Variants in LRP1B observed in about 807,000 individuals in gnomAD.
LRP1B encodes the protein low-density lipoprotein receptor-related protein 1B.
In LRP1B, 217 loss-of-function variants were observed where a neutral mutation model predicts 556.6. That is an observed-to-expected ratio of 0.39 (90% CI 0.35 to 0.44). The LOEUF is 0.44. Ranked by LOEUF, LRP1B falls within the 20% of genes least tolerant of loss-of-function variation. LRP1B has a pLI of 1.00. For synonymous variants in LRP1B, 2,047 were observed against 1,865.8 expected, an observed-to-expected ratio of 1.10 and a Z score of -2.50; for missense variants, 5,053 against 5,620.8, an observed-to-expected ratio of 0.90 and a Z score of 3.23.
At chr2:140,330,179 G>A (rs918612880) in intron 79 of LRP1B, among the ~76,000 whole-genome samples, 27 of 145,176 alleles carry the variant, frequency 1.9e-4, no homozygotes, top group South Asian at 4.4e-4. Context: ...CAGCCTGGGC[G>A]ACAGAGCAAG....
At chr2:141,233,313 T>C (rs1165183396) in intron 5 of LRP1B, among the ~76,000 whole-genome samples, 1 of 152,174 alleles carries the variant, frequency 6.6e-6, no homozygotes, top group African/African-American at 2.4e-5. Context: ...GGCTGTCAAC[T>C]GATTCATGAT....
intron 2 of LRP1B, among the ~76,000 whole-genome samples, chr2:141,583,808 C>T (rs1019313825): frequency 1.3e-5 from 2 of 151,766 alleles, no homozygotes; most frequent in African/African-American, 2.4e-5. Flanking sequence ...GGCACTATCT[C>T]GGCTCACTGC....
chr2:141,699,090 G>A (rs12622943), intron 2 of LRP1B, among the ~76,000 whole-genome samples: 84,879 of 151,586 alleles, frequency 0.56, 24,256 homozygotes, highest in East Asian at 0.79. Context: ...ATTGGGAAGA[G>A]GTTTCTCTGT....
rs141668594 is a variant in LRP1B, at chr2:140,326,239, AATTC to A, written c.12224-365_12224-362del. Among the ~76,000 whole-genome samples the A allele has an allele frequency of 8.1e-3, 1,230 of 152,268 alleles. 18 individuals are homozygous for A. The highest frequency in any genetic ancestry group is 0.027 in the African/African-American group (1,123 of 41,564). On this transcript the variant is annotated intron_variant, in intron 79 of 90. Coordinates refer to ENST00000389484, the MANE Select transcript of LRP1B (RefSeq NM_018557.3). ...TCATCTTCATATTATATGGAGAATG[AATTC>A]ATTATTTAAATCATTTATCGGACCA...
At chr2:141,178,333 T>C (rs1368193070) in intron 7 of LRP1B, among the ~76,000 whole-genome samples, 2 of 152,122 alleles carry the variant, frequency 1.3e-5, no homozygotes, top group Non-Finnish European at 2.9e-5. Flanking sequence ...GCCAGAGCAG[T>C]AGGTCTTCAC....
chr2:140,247,080 A>G lies in LRP1B; in HGVS notation c.13324+6T>C. ...ATTACCCAAAATATTAATCTGAGAA[A>G]CTTACTTGTGCTGATATGATCAGAC... On this transcript the variant is annotated splice_donor_region_variant and intron_variant, in intron 87 of 90. Coordinates refer to ENST00000389484, the MANE Select transcript of LRP1B (RefSeq NM_018557.3). 6.2e-7 allele frequency: 1 copy of G among 1,604,942 alleles called. No homozygotes were observed. The highest frequency in any genetic ancestry group is 8.5e-7 in the Non-Finnish European group (1 of 1,173,002).
In LRP1B at chr2:140,923,134, A is replaced by T; in HGVS notation, c.3150T>A (p.Pro1050=). 3 of 1,611,996 alleles carry T rather than the reference A, an allele frequency of 1.9e-6. No homozygotes were observed. Among genetic ancestry groups the T allele is most frequent in the Non-Finnish European group, 2.5e-6 (3 of 1,178,780 alleles). The change falls in exon 21 of 91, where the codon CCT becomes CCA. Residue 1050 remains proline, a synonymous_variant. Transcript: ENST00000389484. Reference sequence around the variant, plus strand: ...GAAATTCATTTCCGTTACAACCAGCAGGAGAATGAATCTCTTAATTTGAAA... The same window carrying T: ...GAAATTCATTTCCGTTACAACCAGCTGGAGAATGAATCTCTTAATTTGAAA... ...INCTKEEIHS[P]AGCNGNEFQC...
chr2:140,628,870 G>T (rs1015734607), intron 41 of LRP1B, among the ~76,000 whole-genome samples: 1 of 151,926 alleles, frequency 6.6e-6, no homozygotes, highest in Admixed American at 6.6e-5. Context: ...AAAGTGTGTA[G>T]CACCTCCCTC....
intron 43 of LRP1B, among the ~76,000 whole-genome samples, chr2:140,574,547 C>A (rs1681445584): frequency 6.6e-6 from 1 of 152,180 alleles, no homozygotes; most frequent in Non-Finnish European, 1.5e-5. Flanking sequence ...ATATAATCAG[C>A]TCTCTTGTAC....
chr2:141,859,907 T>C (rs1698184063), intron 1 of LRP1B, among the ~76,000 whole-genome samples: 1 of 152,212 alleles, frequency 6.6e-6, no homozygotes, highest in African/African-American at 2.4e-5. Context: ...TTCATCACCC[T>C]TTTCATTTTA....
At chr2:141,388,694 A>C (rs1312586770) in intron 3 of LRP1B, among the ~76,000 whole-genome samples, 1 of 152,100 alleles carries the variant, frequency 6.6e-6, no homozygotes, top group South Asian at 2.1e-4. Context: ...AAAGCCCTCA[A>C]GTTTGGAAAA....
At chr2:140,306,848 T>A (rs1363005225) in intron 83 of LRP1B, among the ~76,000 whole-genome samples, 1 of 152,174 alleles carries the variant, frequency 6.6e-6, no homozygotes, top group East Asian at 1.9e-4. Flanking sequence ...GAGATTCTGG[T>A]ATGTTGTGTC....
intron 2 of LRP1B, among the ~76,000 whole-genome samples, chr2:141,612,682 T>G (rs1688147558): frequency 6.6e-6 from 1 of 152,184 alleles, no homozygotes; most frequent in African/African-American, 2.4e-5. Flanking sequence ...ATTCTTCACA[T>G]TAATGCCATA....
rs760288912 is a variant in LRP1B, at chr2:140,868,201, C to G, written c.4232G>C (p.Gly1411Ala). The G allele has an allele frequency of 2.5e-6, 4 of 1,609,462 alleles. No individual in the cohort carries two copies. The highest frequency in any genetic ancestry group is 3.4e-6 in the Non-Finnish European group (4 of 1,178,080). Reference sequence around the variant, plus strand: ...TTTATAGATGGTTTTTCTCCCAGCACCACTCATAGAGGCAGATTCAATGCG... The same window carrying G: ...TTTATAGATGGTTTTTCTCCCAGCAGCACTCATAGAGGCAGATTCAATGCG... ...FPRIESASMS[G>A]AGRKTIYKDM... The change falls in exon 26 of 91, where the codon GGT (glycine) becomes GCT (alanine). Residue 1411 changes from glycine (G) to alanine (A), a missense_variant. Gly to Ala is a moderately conservative substitution (Grantham distance 60). Around this residue, in one of 5 missense-constraint regions of LRP1B, gnomAD observed 3,619 missense variants for 3,931.9 expected, o/e 0.92. Transcript: ENST00000389484.
rs377742541 is a variant in LRP1B, at chr2:142,083,812, T to C, written c.82+46836A>G. On this transcript the variant is annotated intron_variant, in intron 1 of 90. Transcript: ENST00000389484. ...AAATATCATGACGGGTCTGTAGTAA[T>C]CACCTTTCCAATTTAAATCTGTTCT... Among the ~76,000 whole-genome samples the C allele has an allele frequency of 4.2e-4, 64 of 152,302 alleles. 2 individuals are homozygous for C. In the South Asian group the frequency reaches 6.2e-3, roughly 15 times the overall value.
chr2:140,353,311 C>T, intron 75 of LRP1B, among the ~76,000 whole-genome samples: 1 of 152,122 alleles, frequency 6.6e-6, no homozygotes, highest in South Asian at 2.1e-4. Flanking sequence ...AATATTAAAG[C>T]TTCAATTTCA....
intron 3 of LRP1B, among the ~76,000 whole-genome samples, chr2:141,295,869 T>C (rs1686166565): frequency 6.6e-6 from 1 of 151,924 alleles, no homozygotes; most frequent in South Asian, 2.1e-4. Context: ...TCTTTCAAAG[T>C]ATGGCTTTCC....
chr2:141,511,223 G>A (rs923882847), intron 2 of LRP1B, among the ~76,000 whole-genome samples: 1 of 152,070 alleles, frequency 6.6e-6, no homozygotes, highest in Non-Finnish European at 1.5e-5. Flanking sequence ...TAATTTATAT[G>A]TCTCTAATAT....
chr2:141,414,560 C>T (rs1421841621), intron 3 of LRP1B, among the ~76,000 whole-genome samples: 1 of 152,202 alleles, frequency 6.6e-6, no homozygotes, highest in Non-Finnish European at 1.5e-5. Context: ...TCCAACAGCC[C>T]TTGCCCATAG....
Sources: allele counts gnomAD v4.1 joint callset (sites outside exome capture counted in the v4.1 genomes callset), GRCh38; gene constraint gnomAD v4.1.1; regional missense constraint gnomAD v4.1.1; transcripts MANE v1.5; gene names NCBI Gene and HGNC (gene_info 2026-07-23, HGNC 2026-07-21).